The following ASMT variants were observed in gnomAD, a reference collection of about 807,000 sequenced individuals.
The protein encoded by ASMT is acetylserotonin O-methyltransferase, also known as acetylserotonin N-methyltransferase.
Under a neutral mutation model 41.3 loss-of-function variants are expected in ASMT, and 53 were observed. The ratio of observed to expected loss-of-function variants is 1.28; its 90% CI spans 1.03 to 1.61. The LOEUF (loss-of-function observed/expected upper bound fraction) is 1.61, where lower values mean the gene tolerates loss of function less well. Ranked by LOEUF, ASMT falls within the 40% of genes most tolerant of loss-of-function variation. The probability of loss-of-function intolerance (pLI) is 0.00; values close to 1 mark genes in which losing one functional copy is unlikely to be tolerated. For missense variants in ASMT, 531 were observed against 441.3 expected, an observed-to-expected ratio of 1.20 and a Z score of -1.82; for synonymous variants, 231 against 184.8, an observed-to-expected ratio of 1.25 and a Z score of -2.03.
intron 1 of ASMT, among the ~76,000 whole-genome samples, chrX:1,616,135 TCTC>T (rs1365442881): frequency 6.7e-6 from 1 of 149,902 alleles, no homozygotes; most frequent in Non-Finnish European, 1.5e-5. Context: ...TTCAGGCTAT[TCTC>T]CTGCTTCAGC....
At chrX:1,634,583 A>T (rs1293265330) in intron 7 of ASMT, among the ~76,000 whole-genome samples, 1 of 152,132 alleles carries the variant, frequency 6.6e-6, no homozygotes, top group Non-Finnish European at 1.5e-5. Context: ...TAGAGATTAC[A>T]GTTGCCAATT....
At chrX:1,615,761 C>T (rs771132747) in intron 1 of ASMT, among the ~76,000 whole-genome samples, 13 of 151,600 alleles carry the variant, frequency 8.6e-5, no homozygotes, top group African/African-American at 2.4e-4. Context: ...GAGATCGCAC[C>T]ACTGCACTCC....
At chrX:1,631,158 C>CCCGCCT (rs1242497079) in intron 5 of ASMT, among the ~76,000 whole-genome samples, 1 of 151,814 alleles carries the variant, frequency 6.6e-6, no homozygotes, top group Non-Finnish European at 1.5e-5. Flanking sequence ...TCGTGATCCA[C>CCCGCCT]CCGCCTCCGC....
chrX:1,622,850 T>G (rs1239101976), intron 1 of ASMT, among the ~76,000 whole-genome samples: 1 of 151,748 alleles, frequency 6.6e-6, no homozygotes, highest in Non-Finnish European at 1.5e-5. Flanking sequence ...AGGCAGAGGT[T>G]GCAGTGAGCC....
intron 1 of ASMT, 53 bp downstream of exon 1, chrX:1,615,321 A>G: frequency 5.4e-6 from 8 of 1,469,254 alleles, no homozygotes; most frequent in African/African-American, 1.4e-5. Flanking sequence ...CATCACACTC[A>G]CGTTCCATTG....
At chrX:1,642,349 G>A (rs1390309884) in intron 8 of ASMT, among the ~76,000 whole-genome samples, 1 of 144,088 alleles carries the variant, frequency 6.9e-6, no homozygotes, top group Non-Finnish European at 1.5e-5. Flanking sequence ...CAACCTCTGT[G>A]TGTATAATGG....
Position 1,633,207 on chromosome X carries a change from C to A in ASMT, c.704C>A (p.Thr235Asn), listed in dbSNP as rs753471134. ...CMSLYPGCKI[T>N]VFDIPEVVWT... ...TCTCTGTACCCTGGATGTAAGATCA[C>A]CGTTTTTGACATCCCAGAAGTGGTG... Residue 235 changes from threonine (T) to asparagine (N), a missense_variant, in exon 7 of 9, where the codon ACC (threonine) becomes AAC (asparagine). Thr to Asn is a moderately conservative substitution (Grantham distance 65, BLOSUM62 0). Coordinates refer to ENST00000381241, the MANE Select transcript of ASMT (RefSeq NM_001171038.2). 4 of 1,613,716 alleles carry A rather than the reference C, an allele frequency of 2.5e-6. No individual in the cohort carries two copies. In the African/African-American group the frequency reaches 4.0e-5, roughly 16 times the overall value.
chrX:1,634,661 C>CCG (rs1556129725), intron 7 of ASMT, among the ~76,000 whole-genome samples: 305 of 150,584 alleles, frequency 2.0e-3, no homozygotes, highest in African/African-American at 7.2e-3. Context: ...TAACCCCCCC[C>CCG]CTTTTTTTTT....
intron 1 of ASMT, among the ~76,000 whole-genome samples, chrX:1,619,242 A>T (rs1465181066): frequency 6.6e-6 from 1 of 151,760 alleles, no homozygotes; most frequent in Non-Finnish European, 1.5e-5. Flanking sequence ...AAAAATACAA[A>T]AATTACCTGG....
intron 1 of ASMT, among the ~76,000 whole-genome samples, chrX:1,616,756 T>A (rs1296051616): frequency 6.7e-6 from 1 of 149,632 alleles, no homozygotes. Flanking sequence ...TCGCCCAGGC[T>A]GGAGTGCAAT....
chrX:1,630,622 T>C (rs1248570650), intron 5 of ASMT, among the ~76,000 whole-genome samples: 1 of 151,986 alleles, frequency 6.6e-6, no homozygotes, highest in African/African-American at 2.4e-5. Flanking sequence ...AATGGTGTGT[T>C]GATAGCTCAC....
At chrX:1,630,759 C>T (rs1356666299) in intron 5 of ASMT, among the ~76,000 whole-genome samples, 7 of 152,014 alleles carry the variant, frequency 4.6e-5, no homozygotes, top group Admixed American at 2.0e-4. Flanking sequence ...AGTCTCTCTA[C>T]GTTGCCCTGG....
chrX:1,615,932 A>G (rs1934079430), intron 1 of ASMT, among the ~76,000 whole-genome samples: 1 of 152,140 alleles, frequency 6.6e-6, no homozygotes, highest in Non-Finnish European at 1.5e-5. Flanking sequence ...ATAGAGTAGT[A>G]TATGTGGTTG....
At chrX:1,632,877 G>T in intron 6 of ASMT, 90 bp downstream of exon 6, 1 of 547,358 alleles carries the variant, frequency 1.8e-6, no homozygotes, top group Non-Finnish European at 3.3e-6. Context: ...GGGAGGCTGG[G>T]GGAGGGAGAG....
At chrX:1,627,644 GA>G (rs1490784415) in intron 3 of ASMT, 58 bp from the exon 4 acceptor site, 2 of 774,630 alleles carry the variant, frequency 2.6e-6, no homozygotes, top group African/African-American at 1.1e-4. Flanking sequence ...GAAATGAAAT[GA>G]AATGAAATGA....
In ASMT at chrX:1,623,133, T is replaced by C. The variant is rs1205690801; in HGVS notation, c.70-6T>C. On this transcript the variant is annotated splice_region_variant and splice_polypyrimidine_tract_variant and intron_variant, in intron 1 of 8. Transcript: ENST00000381241. ...CCTGACCTTTTATTTCCGCTCCTGC[T>C]CCAAGGTTCTCTTCGCCGCCTGCGA... 1.2e-6 allele frequency: 2 copies of C among 1,612,342 alleles called. No individual in the cohort carries two copies. Among genetic ancestry groups the C allele is most frequent in the Non-Finnish European group, 1.7e-6 (2 of 1,179,822 alleles).
At chrX:1,641,359 G>C (rs1237352816) in intron 8 of ASMT, among the ~76,000 whole-genome samples, 2 of 121,604 alleles carry the variant, frequency 1.6e-5, no homozygotes, top group Non-Finnish European at 3.5e-5. Context: ...GCCTCTGTGT[G>C]TGTGATAGGG....
In ASMT at chrX:1,642,385, G is replaced by A. The variant is rs186511792; in HGVS notation, c.911-418G>A. Among the ~76,000 whole-genome samples the A allele has an allele frequency of 3.3e-4, 50 of 150,964 alleles. 1 individual carries two copies. Among genetic ancestry groups the A allele is most frequent in the African/African-American group, 1.2e-3 (49 of 41,200 alleles). ...GGACAGTGTCCCAGTGTCCTGTGAGGTCCACCCATCCTGATGGTTCATGAG... is the reference window on the plus strand; with the variant it reads ...GGACAGTGTCCCAGTGTCCTGTGAGATCCACCCATCCTGATGGTTCATGAG... On this transcript the variant is annotated intron_variant, in intron 8 of 8. Transcript: ENST00000381241.
At chrX:1,642,234 G>A (rs1377471868) in intron 8 of ASMT, among the ~76,000 whole-genome samples, 1 of 148,740 alleles carries the variant, frequency 6.7e-6, no homozygotes, top group Non-Finnish European at 1.5e-5. Flanking sequence ...CACCCATCTT[G>A]ATGGTTCATG....
Sources: gnomAD v4.1 joint callset for allele counts (sites outside exome capture counted in the v4.1 genomes callset) on GRCh38, gnomAD v4.1.1 for gene constraint, MANE v1.5 for transcripts, NCBI Gene and HGNC (gene_info 2026-07-23, HGNC 2026-07-21) for gene names.